Variants in POPDC2 observed in about 807,000 individuals in gnomAD.
POPDC2 encodes popeye domain-containing protein 2.
POPDC2 carries 24 observed loss-of-function variants against 30.5 expected under a neutral mutation model. The observed-to-expected ratio is 0.79, with a 90% confidence interval of 0.57 to 1.11. The LOEUF is 1.11. Ranked by LOEUF, POPDC2 falls within the 50% of genes least tolerant of loss-of-function variation. The probability of loss-of-function intolerance (pLI) is 0.00; values close to 1 mark genes in which losing one functional copy is unlikely to be tolerated. For missense variants in POPDC2, 409 were observed against 447.0 expected (o/e 0.91, Z 0.77); for synonymous variants, 185 against 183.3 (o/e 1.01, Z -0.07).
intron 3 of POPDC2, among the ~76,000 whole-genome samples, chr3:119,644,359 G>A (rs2052722877): frequency 6.6e-6 from 1 of 152,152 alleles, no homozygotes; most frequent in African/African-American, 2.4e-5. Flanking sequence ...CTCATTCATT[G>A]AGCATCTCCT....
At chr3:119,652,044 T>C (rs955562499) in intron 2 of POPDC2, among the ~76,000 whole-genome samples, 1 of 125,498 alleles carries the variant, frequency 8.0e-6, no homozygotes, top group Non-Finnish European at 1.7e-5. Flanking sequence ...TGTAACGTTT[T>C]GACAAGTATT....
At chr3:119,650,588 T>C (rs953901881) in intron 2 of POPDC2, among the ~76,000 whole-genome samples, 1 of 152,174 alleles carries the variant, frequency 6.6e-6, no homozygotes, top group Admixed American at 6.5e-5. Flanking sequence ...CCTTGCCCAA[T>C]CTCATGATTG....
chr3:119,649,719 T>A (rs2052788325), intron 2 of POPDC2, among the ~76,000 whole-genome samples: 2 of 152,316 alleles, frequency 1.3e-5, no homozygotes, highest in African/African-American at 4.8e-5. Context: ...ATTGTCAAAT[T>A]TAAAGTAGGG....
Position 119,654,622 on chromosome 3 carries a change from G to A in POPDC2, c.492-9C>T. 6.2e-7 allele frequency: 1 copy of A among 1,609,014 alleles called. No homozygotes were observed. The highest frequency in any genetic ancestry group is 8.5e-7 in the Non-Finnish European group (1 of 1,175,416). ...CCTGGCTCACACGAACCCTGGCAAG[G>A]GAAGAGAAGAGATCATGTGGGAAAA... On this transcript the variant is annotated splice_polypyrimidine_tract_variant and intron_variant, in intron 1 of 3. Transcript: ENST00000493094.
chr3:119,648,119 A>G lies in POPDC2; in HGVS notation c.*43T>C, dbSNP rs761160000. 5.5e-6 allele frequency: 8 copies of G among 1,459,126 alleles called. No individual in the cohort carries two copies. Among genetic ancestry groups the G allele is most frequent in the Non-Finnish European group, 7.2e-6 (8 of 1,104,210 alleles). 90.4% of individuals were successfully genotyped at this position (1,459,126 alleles called of 1,614,324 possible). A position where few individuals can be genotyped will look rare whatever the true frequency, so the allele number is the denominator to read the frequency against. ...CAGCGGCTGCCTTCTGAGTACTTACATAGGATCCTGAGCCGGTGGCTGTGC... is the reference window on the plus strand; with the variant it reads ...CAGCGGCTGCCTTCTGAGTACTTACGTAGGATCCTGAGCCGGTGGCTGTGC... On this transcript the variant is annotated splice_region_variant and 3_prime_UTR_variant, in exon 3 of 4. Transcript: ENST00000493094.
intron 2 of POPDC2, among the ~76,000 whole-genome samples, chr3:119,653,477 TTC>T (rs2052839993): frequency 2.6e-5 from 4 of 151,252 alleles, no homozygotes; most frequent in Admixed American, 2.6e-4. Flanking sequence ...AGTTCAGCAA[TTC>T]TTTTTTTTTT....
At chr3:119,654,361 T>C (rs1340084949) in intron 2 of POPDC2, 144 bp downstream of exon 2, 1 of 628,024 alleles carries the variant, frequency 1.6e-6, no homozygotes, top group Non-Finnish European at 2.8e-6. Context: ...AGGAACTCTT[T>C]TCAGAGGAAG....
intron 1 of POPDC2, among the ~76,000 whole-genome samples, chr3:119,659,045 T>TA (rs2052910490): frequency 6.6e-6 from 1 of 151,738 alleles, no homozygotes; most frequent in Non-Finnish European, 1.5e-5. Context: ...TAGGGCAGTA[T>TA]AAAAAAATCC....
chr3:119,643,039 T>C (rs932768625), intron 3 of POPDC2, among the ~76,000 whole-genome samples: 3 of 152,172 alleles, frequency 2.0e-5, no homozygotes, highest in African/African-American at 7.2e-5. Flanking sequence ...AACTGCTGCC[T>C]CTAACTTACC....
At chr3:119,642,628 G>T in intron 3 of POPDC2, 67 bp from the exon 4 acceptor site, 1 of 1,094,416 alleles carries the variant, frequency 9.1e-7, no homozygotes, top group South Asian at 1.3e-5. Context: ...ACTTCAAAGG[G>T]TTCTTTTCAG....
intron 2 of POPDC2, among the ~76,000 whole-genome samples, chr3:119,649,484 A>G (rs2052785936): frequency 1.3e-5 from 2 of 152,210 alleles, no homozygotes. Flanking sequence ...TAAAATAATG[A>G]TAAGTGGTAA....
Position 119,660,052 on chromosome 3 carries a change from C to T in POPDC2, c.372G>A (p.Gln124=). Reference sequence around the variant, plus strand: ...AGCAGTGAACAATCTCCTTGTATGTCTGTAGGGGCACCTGCAAGGGCAGGC... The same window carrying T: ...AGCAGTGAACAATCTCCTTGTATGTTTGTAGGGGCACCTGCAAGGGCAGGC... ...TLCLPLQVPL[Q]TYKEIVHCCE... is the part of the protein sequence containing the mutation. The change falls in exon 1 of 4, where the codon CAG becomes CAA. Residue 124 remains glutamine (Q), a synonymous_variant. Coordinates refer to ENST00000493094, the MANE Select transcript of POPDC2 (RefSeq NM_001369919.2). The T allele has an allele frequency of 6.2e-7, 1 of 1,614,216 alleles. No homozygotes were observed. Among genetic ancestry groups the T allele is most frequent in the Non-Finnish European group, 8.5e-7 (1 of 1,180,040 alleles).
chr3:119,655,605 G>A (rs1163002833), intron 1 of POPDC2, among the ~76,000 whole-genome samples: 4 of 152,150 alleles, frequency 2.6e-5, no homozygotes, highest in Non-Finnish European at 5.9e-5. Context: ...GACTTTGAAG[G>A]AAGTGGCAAG....
intron 1 of POPDC2, among the ~76,000 whole-genome samples, chr3:119,657,421 C>T (rs1320869487): frequency 1.3e-5 from 2 of 151,954 alleles, no homozygotes; most frequent in Non-Finnish European, 2.9e-5. Context: ...TATCTGACAA[C>T]CTAAAGCTGG....
Position 119,660,554 on chromosome 3 carries a change from G to C in POPDC2, c.-131C>G. Reference sequence around the variant, plus strand: ...CTCACTACCGACTCCACCTTTCCTAGAAGGAATGCTTCCGGTGGCTTTGGG... The same window carrying C: ...CTCACTACCGACTCCACCTTTCCTACAAGGAATGCTTCCGGTGGCTTTGGG... On this transcript the variant is annotated 5_prime_UTR_variant, in exon 1 of 4. Coordinates refer to ENST00000493094, the MANE Select transcript of POPDC2 (RefSeq NM_001369919.2). The C allele has an allele frequency of 9.5e-7, 1 of 1,056,032 alleles. No individual in the cohort carries two copies. Among genetic ancestry groups the C allele is most frequent in the Non-Finnish European group, 1.3e-6 (1 of 752,016 alleles). The allele number at this position is 1,056,032 out of a possible 1,614,324, so 65.4% of individuals were successfully genotyped here.
intron 3 of POPDC2, chr3:119,643,455 A>C: frequency 6.6e-7 from 1 of 1,508,924 alleles, no homozygotes; most frequent in Non-Finnish European, 8.9e-7. Context: ...TATCTCTGAT[A>C]AAAGAAAGAG....
intron 1 of POPDC2, among the ~76,000 whole-genome samples, chr3:119,659,688 G>A (rs1577174839): frequency 6.6e-6 from 1 of 152,196 alleles, no homozygotes; most frequent in Non-Finnish European, 1.5e-5. Flanking sequence ...AGCAGCAAGT[G>A]CACATACAAT....
At chr3:119,643,304 T>C (rs969553023) in intron 3 of POPDC2, 6 of 1,044,408 alleles carry the variant, frequency 5.7e-6, no homozygotes, top group Non-Finnish European at 7.2e-6. Context: ...GACATGTGAC[T>C]TAGCTATTCA....
chr3:119,643,471 A>AAG (rs774978997), intron 3 of POPDC2: 4 of 1,421,288 alleles, frequency 2.8e-6, no homozygotes, highest in Non-Finnish European at 3.8e-6. Flanking sequence ...AAGAGAAAGA[A>AAG]AGAGAGAGAG....
Sources: gnomAD v4.1 joint callset for allele counts (sites outside exome capture counted in the v4.1 genomes callset) on GRCh38, gnomAD v4.1.1 for gene constraint, MANE v1.5 for transcripts, NCBI Gene and HGNC (gene_info 2026-07-23, HGNC 2026-07-21) for gene names.